Variants in SENP8 observed in about 807,000 individuals in gnomAD.
SENP8 encodes SUMO peptidase family member, NEDD8 specific.
SENP8 carries 10 observed loss-of-function variants against 14.4 expected under a neutral mutation model. The ratio of observed to expected loss-of-function variants is 0.69; its 90% CI spans 0.43 to 1.18. The LOEUF (loss-of-function observed/expected upper bound fraction) is 1.18. Ranked by LOEUF, SENP8 falls within the 50% of genes most tolerant of loss-of-function variation. The pLI, the probability that SENP8 is intolerant of heterozygous loss-of-function variation, is 0.00. For synonymous variants in SENP8, 94 were observed against 95.5 expected (o/e 0.98, Z 0.09); for missense variants, 202 against 249.4 (o/e 0.81, Z 1.28).
At chr15:72,123,541 CTTT>C (rs71438550) in intron 1 of SENP8, among the ~76,000 whole-genome samples, 4 of 140,804 alleles carry the variant, frequency 2.8e-5, no homozygotes, top group Admixed American at 1.4e-4. Context: ...ACAAATGGAA[CTTT>C]TTTTTTTTTT....
intron 1 of SENP8, among the ~76,000 whole-genome samples, chr15:72,133,525 A>G (rs891378521): frequency 6.6e-6 from 1 of 152,210 alleles, no homozygotes; most frequent in Non-Finnish European, 1.5e-5. Flanking sequence ...CACTTTCCTC[A>G]AAGCCATTTC....
intron 1 of SENP8, chr15:72,134,931 C>A: frequency 3.3e-6 from 1 of 299,828 alleles, no homozygotes; most frequent in African/African-American, 2.3e-5. Flanking sequence ...ATTAAGCACT[C>A]TGAGAACAGA....
upstream of SENP8, chr15:72,117,879 T>G (rs1165454913): frequency 1.0e-5 from 4 of 397,892 alleles, no homozygotes. Flanking sequence ...TCAGAGAGAC[T>G]CCGCCCGGCC....
intron 1 of SENP8, among the ~76,000 whole-genome samples, chr15:72,122,683 A>G (rs1356649077): frequency 6.6e-6 from 1 of 152,228 alleles, no homozygotes; most frequent in Non-Finnish European, 1.5e-5. Flanking sequence ...GATAGGAAGA[A>G]TTAAGTTTAT....
chr15:72,123,300 T>C (rs1250059065), intron 1 of SENP8, among the ~76,000 whole-genome samples: 1 of 152,242 alleles, frequency 6.6e-6, no homozygotes, highest in Non-Finnish European at 1.5e-5. Context: ...CAGACTTTGT[T>C]ACCACATGTA....
At position 72,140,085 on chromosome 15, in the gene SENP8, C is replaced by G. The variant is rs1486350063; in HGVS notation, c.462C>G (p.Ala154=). ...GDKLAFVEEK[A]PAQQNSYDCG... Reference sequence around the variant, plus strand: ...AACTGGCCTTTGTGGAAGAGAAAGCCCCTGCCCAACAAAACAGCTATGACT... The same window carrying G: ...AACTGGCCTTTGTGGAAGAGAAAGCGCCTGCCCAACAAAACAGCTATGACT... Residue 154 remains alanine, a synonymous_variant, in exon 2 of 2, where the codon GCC becomes GCG. Transcript: ENST00000340912. 1 of 1,614,068 alleles carries G rather than the reference C, an allele frequency of 6.2e-7. No homozygotes were observed. Among genetic ancestry groups the G allele is most frequent in the African/African-American group, 1.3e-5 (1 of 75,044 alleles).
At chr15:72,126,806 A>G (rs769939157) in intron 1 of SENP8, among the ~76,000 whole-genome samples, 15 of 152,204 alleles carry the variant, frequency 9.9e-5, no homozygotes, top group Non-Finnish European at 1.6e-4. Context: ...TTGATTTGTA[A>G]AGACTCCATC....
At chr15:72,135,213 C>G (rs2081315577) in intron 1 of SENP8, 2 of 179,206 alleles carry the variant, frequency 1.1e-5, no homozygotes, top group African/African-American at 2.4e-5. Context: ...AGGCACCCAC[C>G]ACCACGCCCG....
chr15:72,133,744 T>C (rs1438850891), intron 1 of SENP8, among the ~76,000 whole-genome samples: 1 of 152,216 alleles, frequency 6.6e-6, no homozygotes, highest in Non-Finnish European at 1.5e-5. Flanking sequence ...GCAGTACGTG[T>C]TCATTATAAC....
intron 1 of SENP8, among the ~76,000 whole-genome samples, chr15:72,120,067 C>T (rs1220986705): frequency 6.6e-6 from 1 of 152,178 alleles, no homozygotes; most frequent in Non-Finnish European, 1.5e-5. Flanking sequence ...GACCAACATC[C>T]AGAGCTAAGC....
chr15:72,123,860 T>C (rs1456382695), intron 1 of SENP8, among the ~76,000 whole-genome samples: 1 of 152,076 alleles, frequency 6.6e-6, no homozygotes, highest in African/African-American at 2.4e-5. Flanking sequence ...ACTCTTGAGG[T>C]AGAAATGGTA....
chr15:72,129,471 T>A (rs2081250743), intron 1 of SENP8, among the ~76,000 whole-genome samples: 1 of 151,112 alleles, frequency 6.6e-6, no homozygotes, highest in Non-Finnish European at 1.5e-5. Flanking sequence ...CAAGCGATTC[T>A]CCTGCCTCAG....
intron 1 of SENP8, among the ~76,000 whole-genome samples, chr15:72,137,172 C>G (rs190728276): frequency 1.3e-5 from 2 of 152,052 alleles, no homozygotes; most frequent in East Asian, 3.9e-4. Context: ...TTTAGTACTT[C>G]CAAGTAAAAT....
At position 72,141,722 on chromosome 15, in the gene SENP8, CAA is replaced by C. The variant is rs1241754160; in HGVS notation, c.*1466_*1467del. On this transcript the variant is annotated 3_prime_UTR_variant, in exon 2 of 2. Transcript: ENST00000340912. ...AACTAAAAGTCAAAGAGAAAGCTAT[CAA>C]AAAAAGTTTCCATTTCAAGTCGGTA... is the stretch of plus-strand genomic sequence containing the variant. The C allele has an allele frequency of 6.6e-6, 1 of 152,022 alleles. No homozygotes were observed. The highest frequency in any genetic ancestry group is 2.4e-5 in the African/African-American group (1 of 41,390). The allele number at this position is 152,022 out of a possible 1,614,324, so 9.4% of individuals were successfully genotyped here. A position where few individuals can be genotyped will look rare whatever the true frequency, so the allele number is the denominator to read the frequency against.
chr15:72,133,432 C>T (rs190226021), intron 1 of SENP8, among the ~76,000 whole-genome samples: 181 of 152,346 alleles, frequency 1.2e-3, no homozygotes, highest in Non-Finnish European at 1.5e-3. Context: ...AAGATTCTCT[C>T]CACATTTGAA....
At chr15:72,124,953 C>A (rs1197397241) in intron 1 of SENP8, among the ~76,000 whole-genome samples, 1 of 152,022 alleles carries the variant, frequency 6.6e-6, no homozygotes, top group Non-Finnish European at 1.5e-5. Flanking sequence ...GAACATTTTT[C>A]TTTTAATAAA....
intron 1 of SENP8, among the ~76,000 whole-genome samples, chr15:72,126,842 A>G (rs1240570621): frequency 1.3e-5 from 2 of 152,154 alleles, no homozygotes; most frequent in Non-Finnish European, 2.9e-5. Context: ...TCTAATCTAC[A>G]TATGATTTTT....
chr15:72,141,841 G>C lies in SENP8; in HGVS notation c.*1579G>C, dbSNP rs367622755. The C allele has an allele frequency of 5.9e-5, 9 of 152,316 alleles. No individual in the cohort carries two copies. The highest frequency in any genetic ancestry group is 2.2e-4 in the African/African-American group (9 of 41,554). 9.4% of individuals were successfully genotyped at this position (152,316 alleles called of 1,614,324 possible). A position where few individuals can be genotyped will look rare whatever the true frequency, so the allele number is the denominator to read the frequency against. ...TCCATAGAGGTGAAATACAGAGGGA[G>C]GGACAGCAAGAGAAGTGACAAAGGT... is the stretch of plus-strand genomic sequence containing the variant. On this transcript the variant is annotated 3_prime_UTR_variant, in exon 2 of 2. Coordinates refer to ENST00000340912, the MANE Select transcript of SENP8 (RefSeq NM_145204.4).
intron 1 of SENP8, among the ~76,000 whole-genome samples, chr15:72,132,608 C>T (rs2081284835): frequency 6.6e-6 from 1 of 151,232 alleles, no homozygotes; most frequent in African/African-American, 2.4e-5. Flanking sequence ...TTATTATCAT[C>T]CTCTCACTCA....
Sources: gnomAD v4.1 joint callset for allele counts (sites outside exome capture counted in the v4.1 genomes callset) on GRCh38, gnomAD v4.1.1 for gene constraint, MANE v1.5 for transcripts, NCBI Gene and HGNC (gene_info 2026-07-23, HGNC 2026-07-21) for gene names.